The following LAIR1 variants were observed in gnomAD, a reference collection of about 807,000 sequenced individuals.
LAIR1 encodes the protein leukocyte associated immunoglobulin like receptor 1, also known as leukocyte-associated immunoglobulin-like receptor 1.
A neutral mutation model predicts 32.8 loss-of-function variants in LAIR1; 24 were observed. That is an observed-to-expected ratio of 0.73 (90% CI 0.53 to 1.03). LAIR1 has a LOEUF of 1.03. LAIR1 is among the 50% of genes least tolerant of loss of function. The pLI, the probability that LAIR1 is intolerant of heterozygous loss-of-function variation, is 0.00. For synonymous variants in LAIR1, 150 were observed against 140.5 expected (o/e 1.07, Z -0.48); for missense variants, 355 against 347.5 (o/e 1.02, Z -0.17).
rs111774385 is a variant in LAIR1 at position 54,360,707 on chromosome 19, G to A, written c.364+209C>T. The A allele has an allele frequency of 7.1e-3, 4,196 of 595,020 alleles. 151 individuals carry two copies. Among genetic ancestry groups the A allele is most frequent in the African/African-American group, 0.07 (3,770 of 53,916 alleles). 36.9% of individuals were successfully genotyped at this position (595,020 alleles called of 1,614,324 possible). On this transcript the variant is annotated intron_variant, in intron 3 of 9. Coordinates refer to ENST00000391742, the MANE Select transcript of LAIR1 (RefSeq NM_002287.6). ...GCTGAGTGTCCACGCCATCCGTGGCGTCCAGAGGAGACCAGGGCTCCAGGA... is the reference window on the plus strand; with the variant it reads ...GCTGAGTGTCCACGCCATCCGTGGCATCCAGAGGAGACCAGGGCTCCAGGA...
rs769560138 is a variant in LAIR1, at chr19:54,355,407, G to A, written c.725C>T (p.Ala242Val). ...CGTCACCTCCTGGGAACTCCCTGCA[G>A]CCAGGGCCTAAGAGGGAGAGACCCA... ...KDRETDTSAL[A>V]AGSSQEVTYA... The change falls in exon 10 of 10, where the codon GCT becomes GTT. Residue 242 changes from alanine (A) to valine (V), a missense_variant. Physicochemically the swap from Ala to Val is moderately conservative, Grantham distance 64 (BLOSUM62 0). Coordinates refer to ENST00000391742, the MANE Select transcript of LAIR1 (RefSeq NM_002287.6). This position sits in a 1 kb window ranked among gnomAD's most constrained non-coding sequence, Gnocchi z 4.7. The A allele has an allele frequency of 1.9e-5, 31 of 1,605,128 alleles. No individual in the cohort carries two copies. The South Asian group carries it at 3.5e-4, about 18-fold the overall frequency.
intron 4 of LAIR1, chr19:54,358,685 A>C: frequency 2.3e-6 from 3 of 1,307,304 alleles, no homozygotes; most frequent in Non-Finnish European, 3.3e-6. Flanking sequence ...GGGGTTTTCT[A>C]ATCAGCACTG....
Position 54,352,270 on chromosome 19 carries a change from G to C in LAIR1, c.*2998C>G, listed in dbSNP as rs920996935. 5 of 153,704 alleles carry C rather than the reference G, an allele frequency of 3.3e-5. No homozygotes were observed. Among genetic ancestry groups the C allele is most frequent in the African/African-American group, 1.2e-4 (5 of 41,432 alleles). 9.5% of individuals were successfully genotyped at this position (153,704 alleles called of 1,614,324 possible). The stretch of plus-strand genomic sequence containing the variant: ...TGTTCACCGCCAGGGCACACCCCAG[G>C]GGAACTGGGGTGGGATCATAAGCAC... On this transcript the variant is annotated 3_prime_UTR_variant, in exon 10 of 10. Coordinates refer to ENST00000391742, the MANE Select transcript of LAIR1 (RefSeq NM_002287.6).
rs3826754 is a variant in LAIR1 at position 54,354,436 on chromosome 19, C to T, written c.*832G>A. 54,945 of 152,102 alleles carry T rather than the reference C, an allele frequency of 0.36. 10,188 individuals carry two copies. The highest frequency in any genetic ancestry group is 0.44 in the Admixed American group (6,794 of 15,274). The allele number at this position is 152,102 out of a possible 1,614,324, so 9.4% of individuals were successfully genotyped here. A position where few individuals can be genotyped will look rare whatever the true frequency, so the allele number is the denominator to read the frequency against. ...GTTCAGAATATCTAATGTATCGTATCTGTGGCGATGGGTGCGCTGAGGAAT... is the reference window on the plus strand; with the variant it reads ...GTTCAGAATATCTAATGTATCGTATTTGTGGCGATGGGTGCGCTGAGGAAT... On this transcript the variant is annotated 3_prime_UTR_variant, in exon 10 of 10. Transcript: ENST00000391742.
intron 4 of LAIR1, chr19:54,357,294 G>A (rs1013524921): frequency 4.1e-5 from 12 of 290,330 alleles, no homozygotes; most frequent in Non-Finnish European, 7.1e-5. Context: ...CAGATACAGC[G>A]CGTTTCCTGG....
Position 54,364,212 on chromosome 19 carries a change from C to A in LAIR1, c.70+83G>T, listed in dbSNP as rs540912934. ...ATTTAAAGGGATCTCTCCAGGCCCT[C>A]TAAGAATCAACATCACTCCCACCCA... On this transcript the variant is annotated intron_variant, in intron 2 of 9. Coordinates refer to ENST00000391742, the MANE Select transcript of LAIR1 (RefSeq NM_002287.6). The surrounding 1 kb of genome is among the most constrained non-coding windows in gnomAD (Gnocchi z 4.8). The A allele has an allele frequency of 1.1e-5, 16 of 1,473,550 alleles. No individual in the cohort carries two copies. In the East Asian group the frequency reaches 3.6e-4, roughly 33 times the overall value. The allele number at this position is 1,473,550 out of a possible 1,614,324, so 91.3% of individuals were successfully genotyped here.
At position 54,355,387 on chromosome 19, in the gene LAIR1, C is replaced by T; in HGVS notation, c.745G>A (p.Val249Met). Residue 249 changes from valine (V) to methionine (M), a missense_variant, in exon 10 of 10, where the codon GTG becomes ATG. Transcript: ENST00000391742. This position sits in a 1 kb window ranked among gnomAD's most constrained non-coding sequence, Gnocchi z 4.7. ...SALAAGSSQE[V>M]TYAQLDHWAL... The stretch of plus-strand genomic sequence containing the variant: ...CAGTGGTCCAGCTGAGCATACGTCA[C>T]CTCCTGGGAACTCCCTGCAGCCAGG... The T allele has an allele frequency of 6.2e-7, 1 of 1,610,684 alleles. No individual in the cohort carries two copies. The highest frequency in any genetic ancestry group is 2.2e-5 in the East Asian group (1 of 44,674).
rs1451144823 is a variant in LAIR1 at position 54,356,472 on chromosome 19, C to A, written c.583+19G>T. 4 of 1,613,692 alleles carry A rather than the reference C, an allele frequency of 2.5e-6. No homozygotes were observed. Among genetic ancestry groups the A allele is most frequent in the Non-Finnish European group, 3.4e-6 (4 of 1,179,858 alleles). Reference sequence around the variant, plus strand: ...CCTGACAGCTTCCCAGGTCACCCCACCCTGCCCCTGAGACCTACCCTGCTT... The same window carrying A: ...CCTGACAGCTTCCCAGGTCACCCCAACCTGCCCCTGAGACCTACCCTGCTT... On this transcript the variant is annotated intron_variant, in intron 6 of 9. Transcript: ENST00000391742.
chr19:54,368,207 G>A (rs1471447655), upstream of LAIR1: 1 of 152,170 alleles, frequency 6.6e-6, no homozygotes, highest in Non-Finnish European at 1.5e-5. Context: ...AATTAACTGA[G>A]CTTTATTTTC....
chr19:54,364,951 G>C (rs1331172296), upstream of LAIR1: 1 of 1,548,160 alleles, frequency 6.5e-7, no homozygotes, highest in East Asian at 2.4e-5. The surrounding 1 kb of genome is among the most constrained non-coding windows in gnomAD (Gnocchi z 4.8). Flanking sequence ...AAGAGGAAGA[G>C]CTTTCTGTCC....
chr19:54,364,899 G>A lies in LAIR1; in HGVS notation c.-95C>T, dbSNP rs552051644. Reference sequence around the variant, plus strand: ...CAAGCAGACAGGATGTGCTGCCCGGGGGCCTCCTGCCTATGGGGCTTCCAC... The same window carrying A: ...CAAGCAGACAGGATGTGCTGCCCGGAGGCCTCCTGCCTATGGGGCTTCCAC... On this transcript the variant is annotated 5_prime_UTR_variant, in exon 1 of 10. Coordinates refer to ENST00000391742, the MANE Select transcript of LAIR1 (RefSeq NM_002287.6). The surrounding 1 kb of genome is among the most constrained non-coding windows in gnomAD (Gnocchi z 4.8). The A allele has an allele frequency of 5.7e-5, 92 of 1,608,968 alleles. No individual in the cohort carries two copies. The East Asian group carries it at 6.5e-4, about 11-fold the overall frequency.
In LAIR1 at chr19:54,356,004, T is replaced by C; in HGVS notation, c.667A>G (p.Lys223Glu). The C allele has an allele frequency of 1.2e-6, 2 of 1,609,426 alleles. No homozygotes were observed. Among genetic ancestry groups the C allele is most frequent in the South Asian group, 2.2e-5 (2 of 91,002 alleles). The change falls in exon 9 of 10, where the codon AAG becomes GAG. Residue 223 changes from lysine (K) to glutamate (E), a missense_variant and splice_region_variant. Lys to Glu is a moderately conservative substitution (Grantham distance 56, BLOSUM62 1). Transcript: ENST00000391742. ...TCAGGAAGTCCATTGACTGTGGCCT[T>C]GTCTTGGGGAGAAAATACATGGTCA... ...AVDVLERTAD[K>E]ATVNGLPEKD... is the part of the protein sequence containing the mutation.
intron 4 of LAIR1, among the ~76,000 whole-genome samples, chr19:54,359,332 G>A (rs2081891953): frequency 6.6e-6 from 1 of 151,630 alleles, no homozygotes; most frequent in Non-Finnish European, 1.5e-5. Context: ...GAGACCCAGG[G>A]ACTTGGGGCA....
intron 2 of LAIR1, among the ~76,000 whole-genome samples, chr19:54,363,846 C>A (rs2082135756): frequency 6.6e-6 from 1 of 152,072 alleles, no homozygotes; most frequent in Non-Finnish European, 1.5e-5. Context: ...TTCGAGTAGC[C>A]AGGACGAGTG....
upstream of LAIR1, among the ~76,000 whole-genome samples, chr19:54,374,310 C>T (rs1379212610): frequency 6.6e-6 from 1 of 152,118 alleles, no homozygotes; most frequent in Non-Finnish European, 1.5e-5. Context: ...CCTCTGGAAC[C>T]CATGCACGTC....
chr19:54,358,662 G>A (rs745695031), intron 4 of LAIR1: 10 of 1,491,856 alleles, frequency 6.7e-6, no homozygotes, highest in East Asian at 2.3e-5. Context: ...ATTAATAGGA[G>A]CATCCCTCCT....
In LAIR1 at chr19:54,364,838, G is replaced by A. The variant is rs763375646; in HGVS notation, c.-34C>T. The A allele has an allele frequency of 7.1e-5, 114 of 1,613,924 alleles. No homozygotes were observed. The highest frequency in any genetic ancestry group is 8.1e-5 in the Non-Finnish European group (96 of 1,179,966). The stretch of plus-strand genomic sequence containing the variant: ...TCCCAGCAGTGCAGCCTGGCCTGAG[G>A]CGCACCAATGCAAGGACAGAACTCT... On this transcript the variant is annotated 5_prime_UTR_variant, in exon 1 of 10. Coordinates refer to ENST00000391742, the MANE Select transcript of LAIR1 (RefSeq NM_002287.6). This position sits in a 1 kb window ranked among gnomAD's most constrained non-coding sequence, Gnocchi z 4.8.
rs2082161777 is a variant in LAIR1 at position 54,364,370 on chromosome 19, A to C, written c.35-40T>G. 1.9e-6 allele frequency: 3 copies of C among 1,613,548 alleles called. No individual in the cohort carries two copies. The highest frequency in any genetic ancestry group is 2.2e-5 in the East Asian group (1 of 44,872). ...CCAGTGAGAAAAATGCCCAGTGCCC[A>C]GTCTCCTTACGGGGCTGCTGTCAAA... On this transcript the variant is annotated intron_variant, in intron 1 of 9. Coordinates refer to ENST00000391742, the MANE Select transcript of LAIR1 (RefSeq NM_002287.6). The surrounding 1 kb of genome is among the most constrained non-coding windows in gnomAD (Gnocchi z 4.8).
Position 54,361,010 on chromosome 19 carries a change from T to A in LAIR1, c.270A>T (p.Ser90=). 4 of 1,614,172 alleles carry A rather than the reference T, an allele frequency of 2.5e-6. No individual in the cohort carries two copies. Among genetic ancestry groups the A allele is most frequent in the Non-Finnish European group, 3.4e-6 (4 of 1,179,980 alleles). Residue 90 remains serine (S), a synonymous_variant, in exon 3 of 10, where the codon TCA becomes TCT. Transcript: ENST00000391742. ...AAAGCCCGGCATTTCCTTCTCTTAC[T>A]GAGTCAATGCGGAATCTGGCCTCTG... ...SESEARFRID[S]VREGNAGLYR...
Sources: gnomAD v4.1 joint callset for allele counts (sites outside exome capture counted in the v4.1 genomes callset) on GRCh38, gnomAD v4.1.1 for gene constraint, Gnocchi (gnomAD v3.1) non-coding constraint, MANE v1.5 for transcripts, NCBI Gene and HGNC (gene_info 2026-07-23, HGNC 2026-07-21) for gene names.